The following KCNK6 variants were observed in gnomAD, a reference collection of about 807,000 sequenced individuals.
The protein encoded by KCNK6 is potassium two pore domain channel subfamily K member 6.
KCNK6 carries 20 observed loss-of-function variants against 21.9 expected under a neutral mutation model. That is an observed-to-expected ratio of 0.91 (90% CI 0.64 to 1.32). KCNK6 has a LOEUF of 1.32. KCNK6 is among the 40% of genes most tolerant of loss of function. The pLI is 0.00. For missense variants in KCNK6, 415 were observed against 433.1 expected (o/e 0.96, Z 0.37); for synonymous variants, 210 against 218.0 (o/e 0.96, Z 0.32).
chr19:38,328,934 G>A lies in KCNK6; in HGVS notation c.*1531G>A, dbSNP rs1969743734. ...GGAAGGAAGGAAGGAAAAAGAAAGA[G>A]AAAGAGAGAGAGAGAGAAAGAAAAA... On this transcript the variant is annotated 3_prime_UTR_variant, in exon 3 of 3. Transcript: ENST00000263372. 7.2e-6 allele frequency: 1 copy of A among 138,164 alleles called. No homozygotes were observed. Among genetic ancestry groups the A allele is most frequent in the Admixed American group, 7.7e-5 (1 of 13,032 alleles). 8.6% of individuals were successfully genotyped at this position (138,164 alleles called of 1,614,324 possible). A position where few individuals can be genotyped will look rare whatever the true frequency, so the allele number is the denominator to read the frequency against.
In KCNK6 at chr19:38,327,235, C is replaced by T. The variant is rs761191288; in HGVS notation, c.774C>T (p.His258=). The T allele has an allele frequency of 2.1e-5, 34 of 1,613,498 alleles. No homozygotes were observed. In the Admixed American group the frequency reaches 3.3e-4, roughly 16 times the overall value. ...TGCTGGTGCTGCAGACCTTCCGCCA[C>T]GTGTCCGACCTCCACGGCCTCACGG... ...AMVLVLQTFR[H]VSDLHGLTEL... is the part of the protein sequence containing the mutation. The change falls in exon 3 of 3, where the codon CAC becomes CAT. Residue 258 remains histidine (H), a synonymous_variant. Transcript: ENST00000263372.
At position 38,327,520 on chromosome 19, in the gene KCNK6, C is replaced by G; in HGVS notation, c.*117C>G. 2 of 877,844 alleles carry G rather than the reference C, an allele frequency of 2.3e-6. No homozygotes were observed. Among genetic ancestry groups the G allele is most frequent in the Admixed American group, 4.8e-5 (2 of 41,644 alleles). The allele number at this position is 877,844 out of a possible 1,614,324, so 54.4% of individuals were successfully genotyped here. A position where few individuals can be genotyped will look rare whatever the true frequency, so the allele number is the denominator to read the frequency against. On this transcript the variant is annotated 3_prime_UTR_variant, in exon 3 of 3. Coordinates refer to ENST00000263372, the MANE Select transcript of KCNK6 (RefSeq NM_004823.3). ...ACAGCAGGTGATCTTGAGGCCTTGC[C>G]GTCCACCGTCTCTCCTTTGTTTCCC... is the stretch of plus-strand genomic sequence containing the variant.
intron 1 of KCNK6, among the ~76,000 whole-genome samples, chr19:38,322,529 G>A (rs1969662304): frequency 6.6e-6 from 1 of 152,156 alleles, no homozygotes; most frequent in African/African-American, 2.4e-5. Flanking sequence ...AGAGGGGGTG[G>A]ATGAGGGCCA....
At position 38,329,764 on chromosome 19, in the gene KCNK6, G is replaced by A. The variant is rs1969752339; in HGVS notation, c.*2361G>A. On this transcript the variant is annotated 3_prime_UTR_variant, in exon 3 of 3. Transcript: ENST00000263372. ...GGAGAGGTGGAGCAGAGCGGGTACT[G>A]AGGCTGGGTGCCTGTGGGAGGCTGA... 2.6e-5 allele frequency: 4 copies of A among 153,400 alleles called. No individual in the cohort carries two copies. The highest frequency in any genetic ancestry group is 9.7e-5 in the African/African-American group (4 of 41,430). 9.5% of individuals were successfully genotyped at this position (153,400 alleles called of 1,614,324 possible). A position where few individuals can be genotyped will look rare whatever the true frequency, so the allele number is the denominator to read the frequency against.
rs907224596 is a variant in KCNK6, at chr19:38,328,504, G to C, written c.*1101G>C. 1 of 152,252 alleles carries C rather than the reference G, an allele frequency of 6.6e-6. No homozygotes were observed. Among genetic ancestry groups the C allele is most frequent in the African/African-American group, 2.4e-5 (1 of 41,446 alleles). The allele number at this position is 152,252 out of a possible 1,614,324, so 9.4% of individuals were successfully genotyped here. On this transcript the variant is annotated 3_prime_UTR_variant, in exon 3 of 3. Coordinates refer to ENST00000263372, the MANE Select transcript of KCNK6 (RefSeq NM_004823.3). ...GCAGTCACACTACCTCTCTGATTTT[G>C]TTTCCTTATCTGTAAAATGGTGATC...
chr19:38,326,988 G>C lies in KCNK6; in HGVS notation c.718G>C (p.Val240Leu). The part of the protein sequence containing the change: ...YRALYKVLVT[V>L]YLFLGLVAMV... ...GGCCCTCTACAAGGTGCTGGTCACA[G>C]GTGAGCTGGGTGGCTAGGGCAGGGC... Residue 240 changes from valine to leucine, a missense_variant and splice_region_variant, in exon 2 of 3, where the codon GTC (valine) becomes CTC (leucine). Physicochemically the swap from Val to Leu is conservative, Grantham distance 32. Transcript: ENST00000263372. The C allele has an allele frequency of 6.3e-7, 1 of 1,594,912 alleles. No homozygotes were observed. The highest frequency in any genetic ancestry group is 8.5e-7 in the Non-Finnish European group (1 of 1,176,224).
rs1384162211 is a variant in KCNK6 at position 38,328,269 on chromosome 19, C to T, written c.*866C>T. The T allele has an allele frequency of 6.6e-6, 1 of 152,274 alleles. No individual in the cohort carries two copies. Among genetic ancestry groups the T allele is most frequent in the Non-Finnish European group, 1.5e-5 (1 of 68,104 alleles). The allele number at this position is 152,274 out of a possible 1,614,324, so 9.4% of individuals were successfully genotyped here. ...GGGAGCAGGACCCATGGAGGGACCC[C>T]TGGTGTAGGCCTGGGCGATAGACTC... On this transcript the variant is annotated 3_prime_UTR_variant, in exon 3 of 3. Transcript: ENST00000263372.
At position 38,327,325 on chromosome 19, in the gene KCNK6, C is replaced by T; in HGVS notation, c.864C>T (p.Asp288=). 5 of 1,613,284 alleles carry T rather than the reference C, an allele frequency of 3.1e-6. No individual in the cohort carries two copies. The highest frequency in any genetic ancestry group is 4.2e-6 in the Non-Finnish European group (5 of 1,180,022). The change falls in exon 3 of 3, where the codon GAC becomes GAT. Residue 288 remains aspartate, a synonymous_variant. Coordinates refer to ENST00000263372, the MANE Select transcript of KCNK6 (RefSeq NM_004823.3). ...ATGCGGATGAGGACGATCGGGTGGA[C>T]ATCCTGGGCCCCCAGCCGGAGTCGC... ...SFNADEDDRV[D]ILGPQPESHQ...
intron 1 of KCNK6, chr19:38,325,261 C>T (rs2145041362): frequency 4.4e-6 from 1 of 224,808 alleles, no homozygotes; most frequent in Non-Finnish European, 7.4e-6. Flanking sequence ...GGACTATAGG[C>T]GTGAGCCACC....
intron 1 of KCNK6, among the ~76,000 whole-genome samples, chr19:38,321,329 C>T (rs180747454): frequency 1.4e-4 from 21 of 152,336 alleles, no homozygotes; most frequent in African/African-American, 4.8e-4. Context: ...TGACCCCAGA[C>T]ACAAAACCCT....
At chr19:38,320,362 C>G in intron 1 of KCNK6, 90 bp downstream of exon 1, 1 of 1,361,268 alleles carries the variant, frequency 7.3e-7, no homozygotes, top group African/African-American at 1.5e-5. Flanking sequence ...TCACGAATAC[C>G]CTTATCCCAA....
rs578147728 is a variant in KCNK6, at chr19:38,327,996, G to A, written c.*593G>A. ...GCCCTTATGGAGCTTGCAGTCCAGT[G>A]AGGTGGACAGACCTGTCCCCAGACA... On this transcript the variant is annotated 3_prime_UTR_variant, in exon 3 of 3. Coordinates refer to ENST00000263372, the MANE Select transcript of KCNK6 (RefSeq NM_004823.3). The A allele has an allele frequency of 6.4e-6, 1 of 155,974 alleles. No homozygotes were observed. Among genetic ancestry groups the A allele is most frequent in the East Asian group, 1.9e-4 (1 of 5,274 alleles). 9.7% of individuals were successfully genotyped at this position (155,974 alleles called of 1,614,324 possible).
In KCNK6 at chr19:38,326,633, C is replaced by A. The variant is rs373407142; in HGVS notation, c.363C>A (p.Ala121=). 1 of 1,611,286 alleles carries A rather than the reference C, an allele frequency of 6.2e-7. No individual in the cohort carries two copies. Among genetic ancestry groups the A allele is most frequent in the Non-Finnish European group, 8.5e-7 (1 of 1,179,892 alleles). ...YTTPLTDAGK[A]FSIAFALLGV... ...CGCCACTGACTGATGCGGGCAAGGC[C>A]TTCTCCATCGCCTTTGCGCTCCTGG... The change falls in exon 2 of 3, where the codon GCC becomes GCA. Residue 121 remains alanine (A), a synonymous_variant. Coordinates refer to ENST00000263372, the MANE Select transcript of KCNK6 (RefSeq NM_004823.3).
At chr19:38,324,765 T>C (rs151173008) in intron 1 of KCNK6, among the ~76,000 whole-genome samples, 18 of 152,204 alleles carry the variant, frequency 1.2e-4, no homozygotes, top group African/African-American at 3.9e-4. Context: ...TTGTTATTAT[T>C]TTTTAAAGTA....
chr19:38,326,523 C>T, intron 1 of KCNK6, 70 bp from the exon 2 acceptor site: 1 of 1,501,736 alleles, frequency 6.7e-7, no homozygotes, highest in South Asian at 1.3e-5. Context: ...TGCACTCCAG[C>T]CCGGGTGACA....
chr19:38,320,544 G>A (rs546612060), intron 1 of KCNK6, among the ~76,000 whole-genome samples: 3 of 147,842 alleles, frequency 2.0e-5, no homozygotes, highest in Admixed American at 6.7e-5. Flanking sequence ...CCGTTCCTCG[G>A]TCTTTTTTTT....
In KCNK6 at chr19:38,326,978, G is replaced by A. The variant is rs1379277485; in HGVS notation, c.708G>A (p.Val236=). 2.5e-6 allele frequency: 4 copies of A among 1,600,436 alleles called. No individual in the cohort carries two copies. In the African/African-American group the frequency reaches 5.3e-5, roughly 21 times the overall value. Residue 236 remains valine, a synonymous_variant, in exon 2 of 3, where the codon GTG becomes GTA. Transcript: ENST00000263372. ...PGQPYRALYK[V]LVTVYLFLGL... ...AGCCCTACCGGGCCCTCTACAAGGT[G>A]CTGGTCACAGGTGAGCTGGGTGGCT...
In KCNK6 at chr19:38,327,568, G is replaced by A; in HGVS notation, c.*165G>A. On this transcript the variant is annotated 3_prime_UTR_variant, in exon 3 of 3. Transcript: ENST00000263372. ...CCCAGCATCTGGCTGGGATGTGAAG[G>A]GCAGCACTCCCTGTCCCCATGTCCC... is the stretch of plus-strand genomic sequence containing the variant. The A allele has an allele frequency of 1.5e-6, 1 of 655,308 alleles. No homozygotes were observed. Among genetic ancestry groups the A allele is most frequent in the South Asian group, 1.9e-5 (1 of 52,866 alleles). 40.6% of individuals were successfully genotyped at this position (655,308 alleles called of 1,614,324 possible).
intron 2 of KCNK6, 45 bp from the exon 3 acceptor site, chr19:38,327,135 A>G: frequency 6.2e-7 from 1 of 1,600,050 alleles, no homozygotes; most frequent in Non-Finnish European, 8.5e-7. Flanking sequence ...CCGCCTGGAA[A>G]ATCTGAGCCC....
Sources: allele counts gnomAD v4.1 joint callset (sites outside exome capture counted in the v4.1 genomes callset), GRCh38; gene constraint gnomAD v4.1.1; transcripts MANE v1.5; gene names NCBI Gene and HGNC (gene_info 2026-07-23, HGNC 2026-07-21).